The following FANCC variants were observed in gnomAD, a reference collection of about 807,000 sequenced individuals.
FANCC encodes FA complementation group C.
A neutral mutation model predicts 71.3 loss-of-function variants in FANCC; 55 were observed. The observed-to-expected ratio is 0.77, with a 90% CI of 0.62 to 0.97. The LOEUF is 0.97. FANCC is among the 50% of genes least tolerant of loss of function. The probability of loss-of-function intolerance (pLI) is 0.00; values close to 1 mark genes in which losing one functional copy is unlikely to be tolerated. For synonymous variants in FANCC, 275 were observed against 244.9 expected (o/e 1.12, Z -1.15); for missense variants, 678 against 670.9 (o/e 1.01, Z -0.12).
At position 95,185,131 on chromosome 9, in the gene FANCC, T is replaced by C. The variant is rs4647481; in HGVS notation, c.346-12984A>G. ...AACTATTATAGAAATAAGATATAAATTGCTTGAAAAGGTATTTGGAATTTT... is the reference window on the plus strand; with the variant it reads ...AACTATTATAGAAATAAGATATAAACTGCTTGAAAAGGTATTTGGAATTTT... On this transcript the variant is annotated intron_variant, in intron 4 of 14. Coordinates refer to ENST00000289081, the MANE Select transcript of FANCC (RefSeq NM_000136.3). 4.2e-3 allele frequency among the ~76,000 whole-genome samples: 638 copies of C among 152,330 alleles called. 46 individuals are homozygous for C. In the South Asian group the frequency reaches 0.13, roughly 31 times the overall value.
intron 1 of FANCC, among the ~76,000 whole-genome samples, chr9:95,287,677 C>G (rs538493560): frequency 6.6e-6 from 1 of 152,332 alleles, no homozygotes; most frequent in African/African-American, 2.4e-5. Flanking sequence ...ACATTTCCAT[C>G]TGACTACCTT....
At chr9:95,271,069 C>T (rs1166117048) in intron 1 of FANCC, among the ~76,000 whole-genome samples, 1 of 152,138 alleles carries the variant, frequency 6.6e-6, no homozygotes, top group Non-Finnish European at 1.5e-5. Context: ...CAGTCGTGCC[C>T]CAGAGGGGAC....
chr9:95,107,051 C>T lies in FANCC; in HGVS notation c.1533+15G>A, dbSNP rs756290316. On this transcript the variant is annotated intron_variant, in intron 14 of 14. Coordinates refer to ENST00000289081, the MANE Select transcript of FANCC (RefSeq NM_000136.3). ...AGAAATGAGTACTAGGATGCTGGAC[C>T]ACAGGGAGACTTACCAGGGTGATGA... 1 of 1,613,970 alleles carries T rather than the reference C, an allele frequency of 6.2e-7. No individual in the cohort carries two copies. The highest frequency in any genetic ancestry group is 1.7e-5 in the Admixed American group (1 of 60,026).
At chr9:95,170,098 C>T (rs1825567407) in intron 6 of FANCC, among the ~76,000 whole-genome samples, 1 of 152,166 alleles carries the variant, frequency 6.6e-6, no homozygotes. Flanking sequence ...ATACACACTG[C>T]ACTGACTGAT....
At chr9:95,161,731 C>T (rs528226671) in intron 6 of FANCC, among the ~76,000 whole-genome samples, 1 of 152,258 alleles carries the variant, frequency 6.6e-6, no homozygotes, top group South Asian at 2.1e-4. Flanking sequence ...ATCTCTAAAA[C>T]TTTCATATCT....
intron 1 of FANCC, chr9:95,293,529 C>T: frequency 1.2e-6 from 2 of 1,605,104 alleles, no homozygotes; most frequent in Admixed American, 1.7e-5. Flanking sequence ...TAATACTTTA[C>T]AAGAACTAGG....
chr9:95,148,137 A>C (rs1460159008), intron 7 of FANCC, among the ~76,000 whole-genome samples: 4 of 152,212 alleles, frequency 2.6e-5, no homozygotes, highest in Non-Finnish European at 5.9e-5. Context: ...CTGCATTTTC[A>C]CATATGAATG....
chr9:95,294,456 A>C (rs1588430761), intron 1 of FANCC: 1 of 1,602,606 alleles, frequency 6.2e-7, no homozygotes, highest in East Asian at 2.2e-5. Context: ...AAACACAGAC[A>C]GACTTAAACT....
chr9:95,262,198 G>C (rs958824728), intron 1 of FANCC, among the ~76,000 whole-genome samples: 1 of 151,754 alleles, frequency 6.6e-6, no homozygotes, highest in African/African-American at 2.4e-5. Context: ...AGGACTAAAG[G>C]TTCCTCATTT....
intron 4 of FANCC, among the ~76,000 whole-genome samples, chr9:95,193,696 C>T (rs1364401847): frequency 6.6e-6 from 1 of 152,112 alleles, no homozygotes; most frequent in African/African-American, 2.4e-5. Context: ...TTGCCACTGA[C>T]CAGCTATCAC....
chr9:95,107,393 A>C (rs1198265938), intron 13 of FANCC, 124 bp from the exon 14 acceptor site: 3 of 1,041,302 alleles, frequency 2.9e-6, no homozygotes. Flanking sequence ...TGAGAGAGGG[A>C]GCTAGGCAGC....
chr9:95,284,860 TCACACACACACACACATACACA>T, intron 1 of FANCC, among the ~76,000 whole-genome samples: 1 of 125,666 alleles, frequency 8.0e-6, no homozygotes, highest in Non-Finnish European at 1.6e-5. Context: ...CTCCTCTCTC[TCACACACACACACACATACACA>T]CACACACACA....
intron 1 of FANCC, among the ~76,000 whole-genome samples, chr9:95,281,367 T>C (rs541260105): frequency 4.6e-5 from 7 of 151,922 alleles, no homozygotes; most frequent in Non-Finnish European, 1.0e-4. Context: ...GCAGAAACAT[T>C]GTCCTGAAGA....
chr9:95,284,559 T>C (rs1833561643), intron 1 of FANCC, among the ~76,000 whole-genome samples: 1 of 152,154 alleles, frequency 6.6e-6, no homozygotes, highest in South Asian at 2.1e-4. Flanking sequence ...TTTCTCAACA[T>C]CTTGGAAACT....
chr9:95,186,817 A>T (rs1449293257), intron 4 of FANCC, among the ~76,000 whole-genome samples: 4 of 143,154 alleles, frequency 2.8e-5, no homozygotes, highest in Admixed American at 2.1e-4. Context: ...TTTGAGAAAG[A>T]GTCTCACTCT....
chr9:95,282,890 G>A (rs968607654), intron 1 of FANCC, among the ~76,000 whole-genome samples: 8 of 151,938 alleles, frequency 5.3e-5, no homozygotes, highest in South Asian at 2.1e-4. Context: ...AAATGAAAAC[G>A]GAAACATAAC....
intron 1 of FANCC, among the ~76,000 whole-genome samples, chr9:95,302,524 A>G (rs1834809725): frequency 6.6e-6 from 1 of 152,212 alleles, no homozygotes; most frequent in African/African-American, 2.4e-5. Flanking sequence ...GACCAAAATT[A>G]TACTTTTTGT....
chr9:95,105,575 C>T (rs1252185511), intron 14 of FANCC, among the ~76,000 whole-genome samples: 1 of 152,098 alleles, frequency 6.6e-6, no homozygotes, highest in African/African-American at 2.4e-5. Context: ...TGGTGGCATG[C>T]AGTATGTTTA....
intron 4 of FANCC, among the ~76,000 whole-genome samples, chr9:95,210,575 G>A (rs565933815): frequency 2.0e-5 from 3 of 152,136 alleles, no homozygotes; most frequent in South Asian, 2.1e-4. Context: ...ACAATCCTAC[G>A]AGGTGGTAAA....
Sources: gnomAD v4.1 joint callset for allele counts (sites outside exome capture counted in the v4.1 genomes callset) on GRCh38, gnomAD v4.1.1 for gene constraint, MANE v1.5 for transcripts, NCBI Gene and HGNC (gene_info 2026-07-23, HGNC 2026-07-21) for gene names.